Variants in EYA2 observed in about 807,000 individuals in gnomAD.
The protein encoded by EYA2 is protein phosphatase EYA2.
In EYA2, 31 loss-of-function variants were observed where a neutral mutation model predicts 69.2. That is an observed-to-expected ratio of 0.45 (90% CI 0.34 to 0.60). EYA2 has a LOEUF of 0.60. EYA2 is among the 20% of genes least tolerant of loss of function. The probability of loss-of-function intolerance (pLI) is 0.02; values close to 1 mark genes in which losing one functional copy is unlikely to be tolerated. For missense variants in EYA2, 622 were observed against 701.2 expected (o/e 0.89, Z 1.28); for synonymous variants, 257 against 279.4 (o/e 0.92, Z 0.80).
intron 1 of EYA2, among the ~76,000 whole-genome samples, chr20:46,938,403 A>T (rs538333234): frequency 1.3e-5 from 2 of 152,234 alleles, no homozygotes; most frequent in Non-Finnish European, 2.9e-5. Context: ...AGATAAAAAA[A>T]CAAGTATTTA....
intron 1 of EYA2, among the ~76,000 whole-genome samples, chr20:46,897,128 TG>T (rs1254346531): frequency 1.3e-5 from 2 of 152,252 alleles, no homozygotes; most frequent in African/African-American, 4.8e-5. Context: ...GATTACCATT[TG>T]GCAAAAACGC....
intron 1 of EYA2, among the ~76,000 whole-genome samples, chr20:46,965,524 G>T (rs1568691448): frequency 6.6e-6 from 1 of 152,212 alleles, no homozygotes; most frequent in African/African-American, 2.4e-5. Context: ...TCCCAGCCCC[G>T]CAGTGGCCAC....
intron 2 of EYA2, among the ~76,000 whole-genome samples, chr20:46,993,398 G>A (rs80244201): frequency 0.017 from 2,527 of 152,268 alleles, 61 homozygotes; most frequent in African/African-American, 0.057. Flanking sequence ...TAACTGAGAA[G>A]CATGATTCTG....
At chr20:46,933,043 A>G (rs1985740382) in intron 1 of EYA2, among the ~76,000 whole-genome samples, 1 of 152,288 alleles carries the variant, frequency 6.6e-6, no homozygotes, top group East Asian at 1.9e-4. Flanking sequence ...TGAGTCAATT[A>G]AACCTCCTTT....
At chr20:46,999,163 G>A (rs1384874296) in intron 2 of EYA2, among the ~76,000 whole-genome samples, 1 of 152,180 alleles carries the variant, frequency 6.6e-6, no homozygotes, top group Non-Finnish European at 1.5e-5. Flanking sequence ...CATAGATTTA[G>A]ATTTTTATGA....
intron 1 of EYA2, among the ~76,000 whole-genome samples, chr20:46,975,481 G>C (rs981448937): frequency 6.6e-6 from 1 of 152,108 alleles, no homozygotes; most frequent in Non-Finnish European, 1.5e-5. Flanking sequence ...ACCAGCCTGG[G>C]CAACACAGTG....
chr20:47,027,447 A>G (rs951639377), intron 5 of EYA2, among the ~76,000 whole-genome samples: 1 of 152,202 alleles, frequency 6.6e-6, no homozygotes, highest in Non-Finnish European at 1.5e-5. Flanking sequence ...GCCCCTGTGC[A>G]ACACCTCCAG....
In EYA2 at chr20:47,179,813, C is replaced by T. The variant is rs1395093716; in HGVS notation, c.1214C>T (p.Pro405Leu). ...TTGTCCACAGGGTTGATAGGCACTC[C>T]CAAAAGGGAGACCTGGCTACAGCTC... is the stretch of plus-strand genomic sequence containing the variant. ...KNNVGGLIGT[P>L]KRETWLQLRA... The change falls in exon 13 of 16, where the codon CCC (proline) becomes CTC (leucine). Residue 405 changes from proline to leucine, a missense_variant. Around this residue, in one of 2 missense-constraint regions of EYA2, gnomAD observed 257 missense variants for 351.5 expected, o/e 0.73. Transcript: ENST00000327619. The T allele has an allele frequency of 6.2e-7, 1 of 1,613,628 alleles. No individual in the cohort carries two copies. The highest frequency in any genetic ancestry group is 8.5e-7 in the Non-Finnish European group (1 of 1,179,748).
At chr20:47,084,798 T>C (rs940054531) in intron 7 of EYA2, among the ~76,000 whole-genome samples, 28 of 151,476 alleles carry the variant, frequency 1.8e-4, no homozygotes, top group Admixed American at 1.5e-3. Flanking sequence ...TGGAAAATGG[T>C]ACAACCACTA....
chr20:47,115,395 T>C (rs2032861657), intron 9 of EYA2, among the ~76,000 whole-genome samples: 1 of 152,194 alleles, frequency 6.6e-6, no homozygotes, highest in Non-Finnish European at 1.5e-5. Flanking sequence ...TCTGAATTCT[T>C]AGAATATTCT....
intron 5 of EYA2, among the ~76,000 whole-genome samples, chr20:47,039,000 G>C (rs934977987): frequency 6.6e-6 from 1 of 152,094 alleles, no homozygotes; most frequent in Non-Finnish European, 1.5e-5. Flanking sequence ...CTCTACCCAC[G>C]ACATCACCCA....
At chr20:47,164,260 C>T (rs1052103769) in intron 10 of EYA2, among the ~76,000 whole-genome samples, 1 of 152,122 alleles carries the variant, frequency 6.6e-6, no homozygotes, top group Non-Finnish European at 1.5e-5. Flanking sequence ...TATGAGGTAG[C>T]GTCTAGCTGA....
At chr20:47,014,474 C>G (rs1402845833) in intron 4 of EYA2, among the ~76,000 whole-genome samples, 1 of 152,150 alleles carries the variant, frequency 6.6e-6, no homozygotes, top group Non-Finnish European at 1.5e-5. Context: ...TGTGGAGAAG[C>G]AGGACTCACT....
At chr20:47,050,997 C>A (rs1414716487) in intron 5 of EYA2, among the ~76,000 whole-genome samples, 1 of 152,240 alleles carries the variant, frequency 6.6e-6, no homozygotes, top group Non-Finnish European at 1.5e-5. Context: ...TTGACCTCTC[C>A]ATTTGAAAAG....
chr20:46,941,364 A>G lies in EYA2; in HGVS notation c.-11+46377A>G, dbSNP rs569261537. On this transcript the variant is annotated intron_variant, in intron 1 of 15. Coordinates refer to ENST00000327619, the MANE Select transcript of EYA2 (RefSeq NM_005244.5). ...CCACCGGAAGTAGAACGAAACTCCTAAGTCGATTCCCGGCTCTTCTGCTCC... is the reference window on the plus strand; with the variant it reads ...CCACCGGAAGTAGAACGAAACTCCTGAGTCGATTCCCGGCTCTTCTGCTCC... 1.8e-4 allele frequency among the ~76,000 whole-genome samples: 28 copies of G among 152,330 alleles called. No individual in the cohort carries two copies. The South Asian group carries it at 2.5e-3, about 14-fold the overall frequency.
chr20:47,111,177 G>A (rs2032738445), intron 9 of EYA2, among the ~76,000 whole-genome samples: 1 of 152,212 alleles, frequency 6.6e-6, no homozygotes, highest in Non-Finnish European at 1.5e-5. Flanking sequence ...TTGAAGAAGT[G>A]AAATTGGTAA....
intron 1 of EYA2, among the ~76,000 whole-genome samples, chr20:46,934,568 T>C (rs1206095726): frequency 6.6e-6 from 1 of 151,476 alleles, no homozygotes; most frequent in African/African-American, 2.4e-5. Context: ...GGAGGGAGGG[T>C]GAAGCGGGAG....
intron 1 of EYA2, among the ~76,000 whole-genome samples, chr20:46,902,113 A>T (rs1420912362): frequency 6.6e-6 from 1 of 152,118 alleles, no homozygotes; most frequent in East Asian, 1.9e-4. Flanking sequence ...GCTTTTTTTG[A>T]GGGGGAAGCA....
At position 47,057,065 on chromosome 20, in the gene EYA2, AAGGG is replaced by A. The variant is rs1180817030; in HGVS notation, c.416-15104_416-15101del. Among the ~76,000 whole-genome samples, 747 of 114,934 alleles carry A rather than the reference AAGGG, an allele frequency of 6.5e-3. 12 individuals carry two copies. The highest frequency in any genetic ancestry group is 0.023 in the African/African-American group (679 of 29,946). The allele number at this position is 114,934 out of a possible 152,430, so 75.4% of individuals were successfully genotyped here. ...TGTTGAAAGAAAGAAAGGGAGAAAG[AAGGG>A]AGGGAGGGAGGGAGGAAGGAAGAAA... On this transcript the variant is annotated intron_variant, in intron 5 of 15. Transcript: ENST00000327619.
Sources: gnomAD v4.1 joint callset for allele counts (sites outside exome capture counted in the v4.1 genomes callset) on GRCh38, gnomAD v4.1.1 for gene constraint, gnomAD v4.1.1 regional missense constraint, MANE v1.5 for transcripts, NCBI Gene and HGNC (gene_info 2026-07-23, HGNC 2026-07-21) for gene names.